The following TMEM144 variants were observed in gnomAD, a reference collection of about 807,000 sequenced individuals.
The protein encoded by TMEM144 is transmembrane protein 144.
Under a neutral mutation model 43.6 loss-of-function variants are expected in TMEM144, and 39 were observed. The ratio of observed to expected loss-of-function variants is 0.90; its 90% confidence interval spans 0.69 to 1.17. TMEM144 has a LOEUF of 1.17. TMEM144 is among the 50% of genes most tolerant of loss of function. TMEM144 has a pLI of 0.00. For synonymous variants in TMEM144, 154 were observed against 133.6 expected, an observed-to-expected ratio of 1.15 and a Z score of -1.06; for missense variants, 417 against 411.9, an observed-to-expected ratio of 1.01 and a Z score of -0.11.
chr4:158,235,540 G>T, intron 8 of TMEM144, 35 bp downstream of exon 8: 1 of 1,566,848 alleles, frequency 6.4e-7, no homozygotes, highest in South Asian at 1.2e-5. Flanking sequence ...CTATTACTCT[G>T]TTTCATATTT....
chr4:158,252,039 C>T (rs1362031179), intron 12 of TMEM144, among the ~76,000 whole-genome samples: 1 of 152,140 alleles, frequency 6.6e-6, no homozygotes, highest in Admixed American at 6.5e-5. Flanking sequence ...AGCTAAAATA[C>T]TGACCAGGAA....
At chr4:158,219,486 T>C (rs1168464040) in intron 6 of TMEM144, 96 bp downstream of exon 6, 4 of 1,185,790 alleles carry the variant, frequency 3.4e-6, no homozygotes, top group Non-Finnish European at 4.9e-6. Context: ...AACCTACATT[T>C]CGTAAAATCC....
chr4:158,239,530 C>CTTT (rs937980448), intron 9 of TMEM144, among the ~76,000 whole-genome samples: 18 of 152,200 alleles, frequency 1.2e-4, no homozygotes, highest in African/African-American at 3.1e-4. Flanking sequence ...TTCTGTACAG[C>CTTT]TGTCATCTGC....
intron 6 of TMEM144, among the ~76,000 whole-genome samples, chr4:158,221,770 C>T (rs980017094): frequency 6.6e-6 from 1 of 152,130 alleles, no homozygotes; most frequent in Non-Finnish European, 1.5e-5. Flanking sequence ...CAAGCCACAG[C>T]CCTTATTTCT....
chr4:158,214,539 GA>G (rs1734122115), intron 3 of TMEM144, among the ~76,000 whole-genome samples: 1 of 152,162 alleles, frequency 6.6e-6, no homozygotes, highest in African/African-American at 2.4e-5. Context: ...AAAAGGTACA[GA>G]TACACCTCAT....
chr4:158,227,893 C>G (rs1298956310), intron 6 of TMEM144, among the ~76,000 whole-genome samples: 1 of 152,084 alleles, frequency 6.6e-6, no homozygotes, highest in East Asian at 1.9e-4. Context: ...CCTTTAAATC[C>G]TTTCTTGAAA....
intron 11 of TMEM144, among the ~76,000 whole-genome samples, chr4:158,241,962 T>C (rs931815056): frequency 3.3e-5 from 5 of 152,238 alleles, no homozygotes; most frequent in African/African-American, 9.6e-5. Context: ...AAGGGAACAT[T>C]GAAAAACAAA....
chr4:158,226,607 A>T (rs145149276), intron 6 of TMEM144, among the ~76,000 whole-genome samples: 91 of 152,232 alleles, frequency 6.0e-4, no homozygotes, highest in African/African-American at 2.1e-3. Flanking sequence ...TATTTTCTTT[A>T]TACACCTTGC....
intron 12 of TMEM144, among the ~76,000 whole-genome samples, 160 bp from the exon 13 acceptor site, chr4:158,253,284 T>C (rs957692657): frequency 6.6e-6 from 1 of 152,232 alleles, no homozygotes; most frequent in Non-Finnish European, 1.5e-5. Flanking sequence ...CATAAGGCTC[T>C]GCAGGGGTTT....
intron 12 of TMEM144, among the ~76,000 whole-genome samples, chr4:158,248,825 G>A (rs752059311): frequency 6.6e-6 from 1 of 152,182 alleles, no homozygotes; most frequent in East Asian, 1.9e-4. Flanking sequence ...AGCACCTTTT[G>A]TGTGAAGGAC....
At chr4:158,235,706 A>T in intron 8 of TMEM144, 1 of 444,384 alleles carries the variant, frequency 2.3e-6, no homozygotes, top group East Asian at 3.3e-5. Context: ...TGCTTTGAGT[A>T]ATTACTAAAT....
At chr4:158,244,436 C>A in intron 12 of TMEM144, 87 bp downstream of exon 12, 1 of 1,075,442 alleles carries the variant, frequency 9.3e-7, no homozygotes, top group Non-Finnish European at 1.4e-6. Flanking sequence ...CTTTGGGAGG[C>A]CGAGGCAGGT....
intron 12 of TMEM144, among the ~76,000 whole-genome samples, chr4:158,245,923 G>T (rs1735870703): frequency 1.3e-5 from 2 of 151,700 alleles, no homozygotes; most frequent in South Asian, 4.2e-4. Flanking sequence ...GTGAAACCCT[G>T]TCTCCTCAAA....
Position 158,244,487 on chromosome 4 carries a change from T to C in TMEM144, c.954+138T>C. ...GAGTTCAAGACCAGCCTGGCCGAGA[T>C]GGTGAAACCCCGTCTCTACTAAAAA... On this transcript the variant is annotated intron_variant, in intron 12 of 12. Transcript: ENST00000296529. 4.8e-6 allele frequency: 3 copies of C among 624,804 alleles called. No individual in the cohort carries two copies. The South Asian group carries it at 5.4e-5, about 11-fold the overall frequency. 38.7% of individuals were successfully genotyped at this position (624,804 alleles called of 1,614,324 possible).
intron 12 of TMEM144, among the ~76,000 whole-genome samples, chr4:158,244,941 T>A (rs1002511461): frequency 2.6e-4 from 39 of 152,228 alleles, no homozygotes; most frequent in South Asian, 4.1e-4. Flanking sequence ...TGATTTTAAA[T>A]AACCCAGTGA....
chr4:158,236,694 GT>G (rs909797146), intron 8 of TMEM144, among the ~76,000 whole-genome samples: 1 of 151,518 alleles, frequency 6.6e-6, no homozygotes, highest in East Asian at 1.9e-4. Flanking sequence ...TGATTTTTTT[GT>G]TTTTTTTAGA....
intron 6 of TMEM144, among the ~76,000 whole-genome samples, chr4:158,227,495 G>A (rs1247943209): frequency 1.3e-5 from 2 of 152,082 alleles, no homozygotes; most frequent in East Asian, 3.9e-4. Flanking sequence ...GGCTTTTAAA[G>A]GAATAAGGTA....
In TMEM144 at chr4:158,235,522, T is replaced by C; in HGVS notation, c.563+17T>C. The C allele has an allele frequency of 1.2e-6, 2 of 1,605,362 alleles. No individual in the cohort carries two copies. Among genetic ancestry groups the C allele is most frequent in the East Asian group, 4.5e-5 (2 of 44,770 alleles). On this transcript the variant is annotated intron_variant, in intron 8 of 12. Coordinates refer to ENST00000296529, the MANE Select transcript of TMEM144 (RefSeq NM_018342.5). The stretch of plus-strand genomic sequence containing the variant: ...CCGCATAGTGTAAGGAGAGGTTACT[T>C]CTTTGCTCTATTACTCTGTTTCATA...
chr4:158,243,807 A>G (rs1225713034), intron 11 of TMEM144, among the ~76,000 whole-genome samples: 1 of 152,164 alleles, frequency 6.6e-6, no homozygotes, highest in Non-Finnish European at 1.5e-5. Flanking sequence ...CTCTGTAGTA[A>G]TATCAGTTAA....
Sources: gnomAD v4.1 joint callset for allele counts (sites outside exome capture counted in the v4.1 genomes callset) on GRCh38, gnomAD v4.1.1 for gene constraint, MANE v1.5 for transcripts, NCBI Gene and HGNC (gene_info 2026-07-23, HGNC 2026-07-21) for gene names.